The following CTIF variants were observed in gnomAD, a reference collection of about 807,000 sequenced individuals.
CTIF encodes CBP80/20-dependent translation initiation factor.
A neutral mutation model predicts 66.0 loss-of-function variants in CTIF; 21 were observed. The ratio of observed to expected loss-of-function variants is 0.32; its 90% CI spans 0.23 to 0.46. The LOEUF (loss-of-function observed/expected upper bound fraction) is 0.46, where lower values mean the gene tolerates loss of function less well. CTIF is among the 20% of genes least tolerant of loss of function. The probability of loss-of-function intolerance (pLI) is 1.00; values close to 1 mark genes in which losing one functional copy is unlikely to be tolerated. For synonymous variants in CTIF, 345 were observed against 326.4 expected (o/e 1.06, Z -0.62); for missense variants, 739 against 812.7 (o/e 0.91, Z 1.10).
chr18:48,706,509 AT>A (rs1201753422), intron 6 of CTIF, among the ~76,000 whole-genome samples: 1 of 151,812 alleles, frequency 6.6e-6, no homozygotes, highest in East Asian at 1.9e-4. Flanking sequence ...AAGAATTATT[AT>A]TTTTTTATGG....
intron 9 of CTIF, among the ~76,000 whole-genome samples, chr18:48,774,920 T>C (rs949259358): frequency 1.3e-5 from 2 of 152,148 alleles, no homozygotes; most frequent in African/African-American, 4.8e-5. Context: ...GACCCATACT[T>C]AGCATGGACC....
At chr18:48,539,610 G>C (rs1431857919) in intron 1 of CTIF, 1 of 151,462 alleles carries the variant, frequency 6.6e-6, no homozygotes, top group African/African-American at 2.5e-5. Context: ...TGGCCCTGGA[G>C]CTCCGGCGCC....
Position 48,664,577 on chromosome 18 carries a change from A to G in CTIF, c.431+26A>G, listed in dbSNP as rs200479136. 1.1e-4 allele frequency: 165 copies of G among 1,558,282 alleles called. No individual in the cohort carries two copies. The East Asian group carries it at 3.7e-3, about 35-fold the overall frequency. Reference sequence around the variant, plus strand: ...GTAAGGGGTGCTGGGGCTCTTACCCAGGGTGGGGTGGGGCAGGGGACGGGA... The same window carrying G: ...GTAAGGGGTGCTGGGGCTCTTACCCGGGGTGGGGTGGGGCAGGGGACGGGA... On this transcript the variant is annotated intron_variant, in intron 5 of 11. Transcript: ENST00000256413.
At chr18:48,716,392 G>A (rs1158431326) in intron 7 of CTIF, among the ~76,000 whole-genome samples, 5 of 152,212 alleles carry the variant, frequency 3.3e-5, no homozygotes, top group African/African-American at 1.2e-4. Context: ...GGTGGGGCTT[G>A]AACTACTAGT....
At chr18:48,850,960 T>A (rs1333898177) in intron 10 of CTIF, among the ~76,000 whole-genome samples, 1 of 152,216 alleles carries the variant, frequency 6.6e-6, no homozygotes, top group Non-Finnish European at 1.5e-5. Context: ...ACAAGTAAGA[T>A]GAGAAACTCC....
chr18:48,659,211 G>C (rs1351196468), intron 3 of CTIF, among the ~76,000 whole-genome samples: 1 of 152,084 alleles, frequency 6.6e-6, no homozygotes, highest in African/African-American at 2.4e-5. Flanking sequence ...ATCAAGTAGA[G>C]TGGCAATAAG....
At chr18:48,660,738 C>A (rs1472854298) in intron 3 of CTIF, among the ~76,000 whole-genome samples, 1 of 152,206 alleles carries the variant, frequency 6.6e-6, no homozygotes, top group Non-Finnish European at 1.5e-5. Flanking sequence ...TCGCTCCCTG[C>A]CAGTTGAGGA....
chr18:48,759,916 G>T (rs1466919028), intron 8 of CTIF, among the ~76,000 whole-genome samples: 2 of 152,066 alleles, frequency 1.3e-5, no homozygotes, highest in African/African-American at 4.8e-5. Context: ...GCTCAGGCTG[G>T]GTCACTCCCC....
intron 10 of CTIF, among the ~76,000 whole-genome samples, chr18:48,828,728 G>A (rs978567190): frequency 2.0e-5 from 3 of 152,206 alleles, no homozygotes; most frequent in African/African-American, 7.2e-5. Context: ...CCCCACAGAC[G>A]CACCCTCGGG....
chr18:48,843,334 A>AG (rs2146561686), intron 10 of CTIF, among the ~76,000 whole-genome samples: 1 of 152,246 alleles, frequency 6.6e-6, no homozygotes, highest in South Asian at 2.1e-4. Context: ...GCGCTCCAGC[A>AG]GGGAGCTGTG....
At chr18:48,680,831 T>C (rs1254506030) in intron 6 of CTIF, among the ~76,000 whole-genome samples, 4 of 152,212 alleles carry the variant, frequency 2.6e-5, no homozygotes, top group Admixed American at 6.5e-5. Flanking sequence ...CATCCATTAT[T>C]CCTTTATTAG....
At chr18:48,696,779 G>A (rs1285106664) in intron 6 of CTIF, among the ~76,000 whole-genome samples, 1 of 152,196 alleles carries the variant, frequency 6.6e-6, no homozygotes, top group Non-Finnish European at 1.5e-5. Context: ...ATGGGTGCCT[G>A]GCCAATGTAC....
intron 1 of CTIF, among the ~76,000 whole-genome samples, chr18:48,563,632 T>C (rs533699095): frequency 6.5e-4 from 99 of 152,320 alleles, no homozygotes; most frequent in African/African-American, 2.3e-3. Flanking sequence ...CCACCACACC[T>C]GGCTAATTTT....
At chr18:48,769,716 G>A (rs776129616) in intron 9 of CTIF, among the ~76,000 whole-genome samples, 12 of 152,266 alleles carry the variant, frequency 7.9e-5, no homozygotes, top group Non-Finnish European at 1.0e-4. Flanking sequence ...GATAGGAGCC[G>A]TGTGCCTCGT....
At chr18:48,704,058 C>T (rs2092119199) in intron 6 of CTIF, among the ~76,000 whole-genome samples, 1 of 152,192 alleles carries the variant, frequency 6.6e-6, no homozygotes, top group African/African-American at 2.4e-5. Flanking sequence ...GGGACTTGCT[C>T]TTGTCCACTC....
intron 1 of CTIF, among the ~76,000 whole-genome samples, chr18:48,560,253 G>A (rs1033258704): frequency 2.0e-5 from 3 of 147,526 alleles, no homozygotes; most frequent in African/African-American, 7.6e-5. Context: ...TTGAGACAGA[G>A]TCTCGCTCTG....
At chr18:48,846,583 G>T (rs1380714700) in intron 10 of CTIF, among the ~76,000 whole-genome samples, 1 of 146,204 alleles carries the variant, frequency 6.8e-6, no homozygotes, top group Non-Finnish European at 1.5e-5. Context: ...GGGTAGGTGG[G>T]TGGGTGGGTG....
chr18:48,627,573 G>A (rs902781618), intron 2 of CTIF, among the ~76,000 whole-genome samples: 3 of 151,850 alleles, frequency 2.0e-5, no homozygotes, highest in Admixed American at 1.3e-4. Flanking sequence ...ACAAAAATTA[G>A]CTGGGCATGA....
chr18:48,693,589 G>A (rs1386952384), intron 6 of CTIF, among the ~76,000 whole-genome samples: 1 of 152,144 alleles, frequency 6.6e-6, no homozygotes, highest in African/African-American at 2.4e-5. Context: ...TGAAGGAGTG[G>A]GGAGAGAGTG....
Sources: gnomAD v4.1 joint callset for allele counts (sites outside exome capture counted in the v4.1 genomes callset) on GRCh38, gnomAD v4.1.1 for gene constraint, MANE v1.5 for transcripts, NCBI Gene and HGNC (gene_info 2026-07-23, HGNC 2026-07-21) for gene names.